SPAG16: variants seen among roughly 807,000 people sequenced by gnomAD.
The protein encoded by SPAG16 is sperm associated antigen 16.
In SPAG16, 86 loss-of-function variants were observed where a neutral mutation model predicts 80.4. That is an observed-to-expected ratio of 1.07 (90% CI 0.90 to 1.28). The LOEUF (loss-of-function observed/expected upper bound fraction) is 1.28. Ranked by LOEUF, SPAG16 falls within the 50% of genes most tolerant of loss-of-function variation. SPAG16 has a pLI of 0.00. For synonymous variants in SPAG16, 294 were observed against 265.9 expected, an observed-to-expected ratio of 1.11 and a Z score of -1.03; for missense variants, 870 against 765.3, an observed-to-expected ratio of 1.14 and a Z score of -1.61.
intron 9 of SPAG16, among the ~76,000 whole-genome samples, chr2:213,425,749 C>G (rs934313405): frequency 3.3e-5 from 5 of 150,734 alleles, no homozygotes; most frequent in Non-Finnish European, 7.4e-5. Flanking sequence ...ATTCTATTAA[C>G]ATTTTATGAG....
At chr2:214,186,604 T>A (rs952658716) in intron 15 of SPAG16, among the ~76,000 whole-genome samples, 2 of 152,066 alleles carry the variant, frequency 1.3e-5, no homozygotes, top group African/African-American at 4.8e-5. Context: ...GACATAAGTG[T>A]TCTGGAGCAT....
chr2:213,347,928 T>A (rs1217296484), intron 6 of SPAG16, among the ~76,000 whole-genome samples: 3 of 152,276 alleles, frequency 2.0e-5, no homozygotes, highest in African/African-American at 7.2e-5. Flanking sequence ...TGAGTTCAAT[T>A]CCTGGATATC....
chr2:213,529,884 T>A (rs978351680), intron 10 of SPAG16, among the ~76,000 whole-genome samples: 2 of 152,240 alleles, frequency 1.3e-5, no homozygotes, highest in Non-Finnish European at 2.9e-5. Flanking sequence ...TGCTTTATAA[T>A]TTTTAGTTTT....
chr2:213,603,986 C>T (rs556134048), intron 10 of SPAG16, among the ~76,000 whole-genome samples: 22 of 151,304 alleles, frequency 1.5e-4, no homozygotes, highest in Non-Finnish European at 2.8e-4. Flanking sequence ...AGCAATGGCA[C>T]GATCTTGGCT....
At chr2:213,507,197 A>G (rs915309999) in intron 10 of SPAG16, among the ~76,000 whole-genome samples, 1 of 152,228 alleles carries the variant, frequency 6.6e-6, no homozygotes, top group African/African-American at 2.4e-5. Flanking sequence ...CCTTTAAAAA[A>G]TGCCTGGGTA....
intron 12 of SPAG16, among the ~76,000 whole-genome samples, chr2:213,974,564 T>C (rs2045257161): frequency 6.6e-6 from 1 of 152,116 alleles, no homozygotes; most frequent in Non-Finnish European, 1.5e-5. Context: ...AAAATACCAT[T>C]TAGAATCCGC....
At chr2:214,335,619 C>T (rs1469746537) in intron 15 of SPAG16, among the ~76,000 whole-genome samples, 1 of 151,876 alleles carries the variant, frequency 6.6e-6, no homozygotes, top group Non-Finnish European at 1.5e-5. Flanking sequence ...AGTCTTCTGG[C>T]CTATAGTCCA....
chr2:214,267,906 T>C (rs748985897), intron 15 of SPAG16, among the ~76,000 whole-genome samples: 3 of 151,770 alleles, frequency 2.0e-5, no homozygotes, highest in Non-Finnish European at 4.4e-5. Flanking sequence ...CAGGAGAAAA[T>C]GTTTGCAACT....
chr2:213,751,468 A>C (rs1436794837), intron 10 of SPAG16, among the ~76,000 whole-genome samples: 1 of 152,206 alleles, frequency 6.6e-6, no homozygotes, highest in African/African-American at 2.4e-5. Flanking sequence ...CCTAAGTGGT[A>C]ACACTCATAG....
chr2:213,868,668 C>T (rs1353584840), intron 11 of SPAG16, among the ~76,000 whole-genome samples: 3 of 152,120 alleles, frequency 2.0e-5, no homozygotes, highest in African/African-American at 4.8e-5. Context: ...CATGTAACTC[C>T]TCACATATCT....
intron 12 of SPAG16, among the ~76,000 whole-genome samples, chr2:213,991,464 T>G (rs995297422): frequency 6.6e-6 from 1 of 152,170 alleles, no homozygotes; most frequent in African/African-American, 2.4e-5. Flanking sequence ...AATAAACATG[T>G]GTACATGTGT....
intron 10 of SPAG16, among the ~76,000 whole-genome samples, chr2:213,781,165 C>T (rs1391238315): frequency 6.6e-6 from 1 of 152,196 alleles, no homozygotes; most frequent in African/African-American, 2.4e-5. Flanking sequence ...CTCCATTCCT[C>T]AAGCCTTCCA....
At chr2:213,853,402 A>C (rs1242987800) in intron 10 of SPAG16, among the ~76,000 whole-genome samples, 3 of 152,196 alleles carry the variant, frequency 2.0e-5, no homozygotes, top group African/African-American at 2.4e-5. Context: ...GAGCTTTTGA[A>C]GTATATATCA....
intron 11 of SPAG16, among the ~76,000 whole-genome samples, chr2:213,868,273 G>T (rs1201800286): frequency 2.6e-5 from 4 of 151,092 alleles, no homozygotes; most frequent in African/African-American, 9.8e-5. Context: ...TTAGATTTTA[G>T]ATTATGTTTT....
At chr2:213,434,807 T>C (rs1444697455) in intron 9 of SPAG16, among the ~76,000 whole-genome samples, 4 of 152,156 alleles carry the variant, frequency 2.6e-5, no homozygotes, top group Non-Finnish European at 5.9e-5. Context: ...AAAAATATAA[T>C]AGACTTTGTG....
intron 14 of SPAG16, among the ~76,000 whole-genome samples, chr2:214,124,948 C>T (rs2054402289): frequency 6.6e-6 from 1 of 151,784 alleles, no homozygotes; most frequent in Non-Finnish European, 1.5e-5. Flanking sequence ...CAACAGTTTT[C>T]TAACTAAAGG....
chr2:214,080,142 C>A (rs1303406811), intron 13 of SPAG16, among the ~76,000 whole-genome samples: 1 of 152,084 alleles, frequency 6.6e-6, no homozygotes, highest in African/African-American at 2.4e-5. Context: ...ACATACAGGG[C>A]AGCTGGCATA....
intron 14 of SPAG16, among the ~76,000 whole-genome samples, chr2:214,125,449 C>T (rs1019502557): frequency 4.6e-5 from 7 of 151,382 alleles, no homozygotes; most frequent in African/African-American, 1.7e-4. Flanking sequence ...GTTGTAACTT[C>T]GCCCTCTCCA....
chr2:213,919,798 T>C (rs2078128741), intron 11 of SPAG16, among the ~76,000 whole-genome samples: 3 of 152,180 alleles, frequency 2.0e-5, no homozygotes, highest in Non-Finnish European at 4.4e-5. Flanking sequence ...TCTGTAGATA[T>C]CTATCAGGTC....
Sources: gnomAD v4.1 joint callset for allele counts (sites outside exome capture counted in the v4.1 genomes callset) on GRCh38, gnomAD v4.1.1 for gene constraint, MANE v1.5 for transcripts, NCBI Gene and HGNC (gene_info 2026-07-23, HGNC 2026-07-21) for gene names.